Variants in MAGI3 observed in about 807,000 individuals in gnomAD.
MAGI3 encodes the protein membrane-associated guanylate kinase, WW and PDZ domain-containing protein 3.
A neutral mutation model predicts 121.8 loss-of-function variants in MAGI3; 43 were observed. The ratio of observed to expected loss-of-function variants is 0.35; its 90% confidence interval spans 0.28 to 0.46. MAGI3 has a LOEUF of 0.46. Ranked by LOEUF, MAGI3 falls within the 20% of genes least tolerant of loss-of-function variation. The pLI is 1.00. For missense variants in MAGI3, 1,547 were observed against 1,797.3 expected, an observed-to-expected ratio of 0.86 and a Z score of 2.52; for synonymous variants, 553 against 639.3, an observed-to-expected ratio of 0.86 and a Z score of 2.04.
intron 1 of MAGI3, among the ~76,000 whole-genome samples, chr1:113,442,816 G>C (rs1653985864): frequency 6.6e-6 from 1 of 152,012 alleles, no homozygotes; most frequent in Non-Finnish European, 1.5e-5. Context: ...TGACTATTAT[G>C]TTAGCCTCAC....
At chr1:113,608,292 C>G (rs1028122506) in intron 6 of MAGI3, among the ~76,000 whole-genome samples, 1 of 152,124 alleles carries the variant, frequency 6.6e-6, no homozygotes, top group Non-Finnish European at 1.5e-5. Flanking sequence ...GCTACTCTAT[C>G]CTCCAGATTA....
At chr1:113,398,584 A>C (rs1378704536) in intron 1 of MAGI3, among the ~76,000 whole-genome samples, 1 of 152,252 alleles carries the variant, frequency 6.6e-6, no homozygotes, top group African/African-American at 2.4e-5. Flanking sequence ...TGTGAGAGGC[A>C]AGCCTGTATC....
At chr1:113,594,153 A>C (rs772828217) in intron 5 of MAGI3, among the ~76,000 whole-genome samples, 2 of 152,228 alleles carry the variant, frequency 1.3e-5, no homozygotes, top group Non-Finnish European at 2.9e-5. Context: ...TGTTGGCTAG[A>C]TAATGCACAG....
chr1:113,434,455 A>G (rs1653463878), intron 1 of MAGI3, among the ~76,000 whole-genome samples: 1 of 152,124 alleles, frequency 6.6e-6, no homozygotes, highest in Non-Finnish European at 1.5e-5. Context: ...ATACTGCTCT[A>G]TTTTCAGTGC....
intron 6 of MAGI3, among the ~76,000 whole-genome samples, chr1:113,598,685 T>A (rs533244782): frequency 1.3e-5 from 2 of 152,212 alleles, no homozygotes; most frequent in South Asian, 4.1e-4. Context: ...ATGAAACAAT[T>A]ACTATTAGAC....
At chr1:113,534,366 C>A (rs1658866391) in intron 1 of MAGI3, among the ~76,000 whole-genome samples, 1 of 152,162 alleles carries the variant, frequency 6.6e-6, no homozygotes, top group South Asian at 2.1e-4. Context: ...TGAGTTAGAT[C>A]CTTCTTTCAT....
intron 1 of MAGI3, among the ~76,000 whole-genome samples, chr1:113,418,535 G>A (rs538628566): frequency 2.6e-5 from 4 of 151,976 alleles, no homozygotes; most frequent in African/African-American, 7.2e-5. Flanking sequence ...CCTCGTTTAG[G>A]GGATTTAACT....
At chr1:113,493,188 C>G (rs1424797205) in intron 1 of MAGI3, among the ~76,000 whole-genome samples, 1 of 152,124 alleles carries the variant, frequency 6.6e-6, no homozygotes, top group Non-Finnish European at 1.5e-5. Context: ...GCTACAAAAG[C>G]AGACAGATAG....
chr1:113,595,853 A>T (rs1648965980), intron 6 of MAGI3, among the ~76,000 whole-genome samples: 1 of 152,176 alleles, frequency 6.6e-6, no homozygotes, highest in South Asian at 2.1e-4. Flanking sequence ...CAACAGGGTG[A>T]AACCCTGTCT....
chr1:113,441,191 T>G (rs749348756), intron 1 of MAGI3, among the ~76,000 whole-genome samples: 4 of 152,176 alleles, frequency 2.6e-5, no homozygotes, highest in Non-Finnish European at 5.9e-5. Context: ...TAATATCTCA[T>G]GTTGGGATTT....
chr1:113,505,308 T>G (rs958603245), intron 1 of MAGI3, among the ~76,000 whole-genome samples: 4 of 152,138 alleles, frequency 2.6e-5, no homozygotes, highest in Admixed American at 6.5e-5. Context: ...TATATTTTAA[T>G]CAGTTTCTGC....
At chr1:113,583,150 TTTA>T (rs1338630766) in intron 3 of MAGI3, among the ~76,000 whole-genome samples, 1 of 151,214 alleles carries the variant, frequency 6.6e-6, no homozygotes. Flanking sequence ...TTTATTTATT[TTTA>T]TTATTATTAT....
intron 1 of MAGI3, among the ~76,000 whole-genome samples, chr1:113,423,716 G>A (rs776576744): frequency 1.3e-5 from 2 of 152,194 alleles, no homozygotes; most frequent in Non-Finnish European, 1.5e-5. Flanking sequence ...GACTCCACCC[G>A]GTACTGGCAG....
At chr1:113,629,087 G>C (rs1041452478) in intron 9 of MAGI3, among the ~76,000 whole-genome samples, 1 of 151,870 alleles carries the variant, frequency 6.6e-6, no homozygotes, top group Non-Finnish European at 1.5e-5. Flanking sequence ...AGATACTGTA[G>C]GTGTGCTTTA....
At chr1:113,473,179 T>C (rs1328364756) in intron 1 of MAGI3, among the ~76,000 whole-genome samples, 1 of 152,224 alleles carries the variant, frequency 6.6e-6, no homozygotes, top group East Asian at 1.9e-4. Context: ...AAAGTCTTTA[T>C]CTCTCCTTTA....
Position 113,409,819 on chromosome 1 carries a change from T to C in MAGI3, c.316+18470T>C, listed in dbSNP as rs150038055. Among the ~76,000 whole-genome samples the C allele has an allele frequency of 5.9e-5, 9 of 152,262 alleles. No homozygotes were observed. The East Asian group carries it at 1.5e-3, about 26-fold the overall frequency. ...CAGGAAAGTTATTTGATTAATCTGT[T>C]CTATACTAGGTTATACTATACTGAT... On this transcript the variant is annotated intron_variant, in intron 1 of 20. Transcript: ENST00000307546.
intron 6 of MAGI3, among the ~76,000 whole-genome samples, chr1:113,598,532 T>G (rs1649164652): frequency 6.6e-6 from 1 of 152,128 alleles, no homozygotes. Context: ...GAGTAGCTAT[T>G]GTTATGTCAG....
intron 1 of MAGI3, among the ~76,000 whole-genome samples, chr1:113,456,843 C>T (rs1014578002): frequency 6.8e-6 from 1 of 147,582 alleles, no homozygotes; most frequent in African/African-American, 2.5e-5. Context: ...AAGAGGCTTG[C>T]GGATACAGCC....
chr1:113,590,668 T>A lies in MAGI3; in HGVS notation c.938+10T>A, dbSNP rs762888727. On this transcript the variant is annotated intron_variant, in intron 5 of 20. Transcript: ENST00000307546. ...TGATCTACTTCATTGAGTAAGCAAA[T>A]GTCTCTATCTCTTCTAATGTGCCCT... 1 of 1,610,894 alleles carries A rather than the reference T, an allele frequency of 6.2e-7. No homozygotes were observed. Among genetic ancestry groups the A allele is most frequent in the South Asian group, 1.1e-5 (1 of 90,698 alleles).
Sources: allele counts gnomAD v4.1 joint callset (sites outside exome capture counted in the v4.1 genomes callset), GRCh38; gene constraint gnomAD v4.1.1; transcripts MANE v1.5; gene names NCBI Gene and HGNC (gene_info 2026-07-23, HGNC 2026-07-21).